Variants in KAZN observed in about 807,000 individuals in gnomAD.
KAZN encodes kazrin, periplakin interacting protein, also known as kazrin.
Under a neutral mutation model 87.4 loss-of-function variants are expected in KAZN, and 40 were observed. The ratio of observed to expected loss-of-function variants is 0.46; its 90% CI spans 0.36 to 0.60. The LOEUF (loss-of-function observed/expected upper bound fraction) is 0.60. KAZN is among the 20% of genes least tolerant of loss of function. The pLI, the probability that KAZN is intolerant of heterozygous loss-of-function variation, is 0.00. For synonymous variants in KAZN, 466 were observed against 458.3 expected, an observed-to-expected ratio of 1.02 and a Z score of -0.22; for missense variants, 898 against 1,073.9, an observed-to-expected ratio of 0.84 and a Z score of 2.29.
chr1:14,228,949 T>C (rs1647546372), intron 2 of KAZN, among the ~76,000 whole-genome samples: 1 of 152,220 alleles, frequency 6.6e-6, no homozygotes, highest in Non-Finnish European at 1.5e-5. Flanking sequence ...CTCAGTATGT[T>C]ATCCACATGG....
At chr1:14,224,387 G>A (rs1647192395) in intron 2 of KAZN, among the ~76,000 whole-genome samples, 1 of 152,096 alleles carries the variant, frequency 6.6e-6, no homozygotes. Flanking sequence ...ATGAAGAGTA[G>A]AACATACTAA....
chr1:14,697,053 G>A (rs1446516776), intron 1 of KAZN, among the ~76,000 whole-genome samples: 1 of 151,674 alleles, frequency 6.6e-6, no homozygotes, highest in Non-Finnish European at 1.5e-5. Flanking sequence ...CACTTTGGGA[G>A]GCTGAAAGCG....
At position 14,695,510 on chromosome 1, in the gene KAZN, C is replaced by CTTTTTTTTTTTTTTTTT. The variant is rs112667110; in HGVS notation, c.226+96302_226+96303insTTTTTTTTTTTTTTTTT. Among the ~76,000 whole-genome samples the CTTTTTTTTTTTTTTTTT allele has an allele frequency of 1.1e-3, 90 of 85,042 alleles. 15 individuals are homozygous for CTTTTTTTTTTTTTTTTT. The South Asian group carries it at 0.012, about 11-fold the overall frequency. 55.8% of individuals were successfully genotyped at this position (85,042 alleles called of 152,430 possible). On this transcript the variant is annotated intron_variant, in intron 1 of 14. Coordinates refer to ENST00000376030, the MANE Select transcript of KAZN (RefSeq NM_201628.3). ...CCTCTTTCCCCAGACTACATTCCAT[C>CTTTTTTTTTTTTTTTTT]TTTTTTTTTTTTTTTGATGGAGTCT...
At chr1:13,978,423 T>C (rs1638483015) in intron 1 of KAZN, among the ~76,000 whole-genome samples, 1 of 151,086 alleles carries the variant, frequency 6.6e-6, no homozygotes, top group African/African-American at 2.4e-5. Flanking sequence ...GGTTCACTTA[T>C]TCAAGAAAAT....
intron 2 of KAZN, among the ~76,000 whole-genome samples, chr1:14,256,199 C>T (rs564021508): frequency 7.9e-5 from 12 of 152,238 alleles, no homozygotes; most frequent in South Asian, 2.1e-4. Flanking sequence ...CTGTATTTCC[C>T]GGTGCGTTGG....
At chr1:14,085,639 T>C (rs1181205393) in intron 1 of KAZN, among the ~76,000 whole-genome samples, 2 of 152,358 alleles carry the variant, frequency 1.3e-5, no homozygotes, top group Middle Eastern at 3.4e-3. Flanking sequence ...TTTCATTTTA[T>C]GGGTATGCCA....
chr1:14,867,709 G>A (rs981899882), intron 1 of KAZN, among the ~76,000 whole-genome samples: 10 of 149,580 alleles, frequency 6.7e-5, no homozygotes, highest in Non-Finnish European at 8.9e-5. Context: ...TGCTTTACTC[G>A]GTGTCTTTGA....
At chr1:14,673,242 C>A (rs1007959436) in intron 1 of KAZN, among the ~76,000 whole-genome samples, 1 of 152,228 alleles carries the variant, frequency 6.6e-6, no homozygotes, top group South Asian at 2.1e-4. Flanking sequence ...ACCAGCCCCC[C>A]TCTTCCAGTC....
chr1:14,078,516 A>G (rs2101581893), intron 1 of KAZN, among the ~76,000 whole-genome samples: 2 of 152,312 alleles, frequency 1.3e-5, no homozygotes, highest in Middle Eastern at 6.8e-3. Flanking sequence ...AAGTAGGGGA[A>G]CTTATAAACA....
At chr1:14,766,288 T>A (rs1330978484) in intron 1 of KAZN, among the ~76,000 whole-genome samples, 1 of 151,976 alleles carries the variant, frequency 6.6e-6, no homozygotes, top group African/African-American at 2.4e-5. Context: ...TGAGTGGACA[T>A]GGATGCTGGC....
intron 1 of KAZN, among the ~76,000 whole-genome samples, chr1:14,743,892 A>G (rs1157190011): frequency 3.3e-5 from 5 of 152,156 alleles, no homozygotes; most frequent in African/African-American, 9.7e-5. Flanking sequence ...GGGCCCATCC[A>G]TGGAACAGAG....
At chr1:13,962,958 G>A (rs1240845374) in intron 1 of KAZN, among the ~76,000 whole-genome samples, 4 of 152,186 alleles carry the variant, frequency 2.6e-5, no homozygotes, top group East Asian at 1.9e-4. Flanking sequence ...GGTGAATGGA[G>A]GATTTGGGGG....
At chr1:14,748,822 G>A (rs1644333025) in intron 1 of KAZN, among the ~76,000 whole-genome samples, 1 of 152,132 alleles carries the variant, frequency 6.6e-6, no homozygotes, top group Non-Finnish European at 1.5e-5. Flanking sequence ...TACCAAGAGT[G>A]CTGATGCCAA....
chr1:14,797,451 T>C (rs1645864631), intron 1 of KAZN, among the ~76,000 whole-genome samples: 1 of 152,106 alleles, frequency 6.6e-6, no homozygotes, highest in Admixed American at 6.5e-5. Flanking sequence ...TTCCAGGAGA[T>C]GAGAGTCTAT....
chr1:14,453,293 A>G (rs1667384154), intron 2 of KAZN, among the ~76,000 whole-genome samples: 1 of 152,022 alleles, frequency 6.6e-6, no homozygotes. Context: ...TTATTCTCCC[A>G]TTTTTGATAG....
chr1:14,731,535 G>A (rs1244376012), intron 1 of KAZN, among the ~76,000 whole-genome samples: 1 of 152,164 alleles, frequency 6.6e-6, no homozygotes, highest in Non-Finnish European at 1.5e-5. Context: ...TTGCTTCTGG[G>A]TCGGCACTGA....
chr1:14,448,451 A>T (rs968962032), intron 2 of KAZN, among the ~76,000 whole-genome samples: 2 of 152,220 alleles, frequency 1.3e-5, no homozygotes, highest in African/African-American at 4.8e-5. Flanking sequence ...GTCCTCCATC[A>T]CCAAGATGAA....
chr1:14,906,425 G>A (rs772044636), intron 1 of KAZN, among the ~76,000 whole-genome samples: 8 of 151,920 alleles, frequency 5.3e-5, no homozygotes, highest in African/African-American at 1.7e-4. Flanking sequence ...ACTTGGTGGC[G>A]GGCATGGAAC....
At chr1:14,800,489 C>G (rs868307412) in intron 1 of KAZN, among the ~76,000 whole-genome samples, 22 of 152,140 alleles carry the variant, frequency 1.4e-4, no homozygotes, top group African/African-American at 5.1e-4. Context: ...TCACTTGAGC[C>G]TAGGAGTTCA....
Sources: allele counts gnomAD v4.1 joint callset (sites outside exome capture counted in the v4.1 genomes callset), GRCh38; gene constraint gnomAD v4.1.1; transcripts MANE v1.5; gene names NCBI Gene and HGNC (gene_info 2026-07-23, HGNC 2026-07-21).